STAU2: variants seen among roughly 807,000 people sequenced by gnomAD.
STAU2 encodes the protein staufen double-stranded RNA binding protein 2, also known as double-stranded RNA-binding protein Staufen homolog 2.
Under a neutral mutation model 65.9 loss-of-function variants are expected in STAU2, and 20 were observed. The observed-to-expected ratio is 0.30, with a 90% CI of 0.21 to 0.44. STAU2 has a LOEUF of 0.44. Ranked by LOEUF, STAU2 falls within the 20% of genes least tolerant of loss-of-function variation. The pLI, the probability that STAU2 is intolerant of heterozygous loss-of-function variation, is 1.00. For synonymous variants in STAU2, 232 were observed against 233.9 expected, an observed-to-expected ratio of 0.99 and a Z score of 0.07; for missense variants, 558 against 683.9, an observed-to-expected ratio of 0.82 and a Z score of 2.05.
intron 11 of STAU2, among the ~76,000 whole-genome samples, chr8:73,588,955 C>T: frequency 6.6e-6 from 1 of 152,004 alleles, no homozygotes; most frequent in East Asian, 1.9e-4. Flanking sequence ...TGACACCCAC[C>T]ACAATCCCAG....
At chr8:73,612,456 C>T (rs1812545937) in intron 9 of STAU2, among the ~76,000 whole-genome samples, 1 of 152,202 alleles carries the variant, frequency 6.6e-6, no homozygotes, top group Non-Finnish European at 1.5e-5. Flanking sequence ...CTATATTCTA[C>T]TCCTGACTGT....
chr8:73,590,311 A>C (rs1810680802), intron 11 of STAU2, among the ~76,000 whole-genome samples: 1 of 151,874 alleles, frequency 6.6e-6, no homozygotes, highest in African/African-American at 2.4e-5. Context: ...TTGGAAAATA[A>C]AGAAAAGAAA....
intron 2 of STAU2, 88 bp downstream of exon 2, chr8:73,739,668 C>G: frequency 9.5e-7 from 1 of 1,048,816 alleles, no homozygotes; most frequent in Non-Finnish European, 1.2e-6. Context: ...ATTACTGTCA[C>G]ATTTCCTATG....
chr8:73,676,251 T>C (rs1818019220), intron 5 of STAU2, among the ~76,000 whole-genome samples: 2 of 152,168 alleles, frequency 1.3e-5, no homozygotes, highest in African/African-American at 4.8e-5. Context: ...TACTTCTCAA[T>C]ACTGAGTTAC....
At chr8:73,693,996 T>C (rs1161622296) in intron 4 of STAU2, among the ~76,000 whole-genome samples, 1 of 152,200 alleles carries the variant, frequency 6.6e-6, no homozygotes, top group Non-Finnish European at 1.5e-5. Flanking sequence ...CATATAGTTT[T>C]AAAGTAATGA....
At chr8:73,705,790 G>C (rs1051227256) in intron 4 of STAU2, among the ~76,000 whole-genome samples, 4 of 152,166 alleles carry the variant, frequency 2.6e-5, no homozygotes, top group Non-Finnish European at 5.9e-5. Flanking sequence ...CATGGGGGAA[G>C]GAGGAAATCA....
chr8:73,518,318 A>G (rs1822852594), intron 13 of STAU2, among the ~76,000 whole-genome samples: 1 of 152,240 alleles, frequency 6.6e-6, no homozygotes, highest in Admixed American at 6.5e-5. Context: ...TTAAGGCAAT[A>G]TTTGATACAA....
At chr8:73,479,361 T>G (rs1278972307) in intron 13 of STAU2, among the ~76,000 whole-genome samples, 2 of 152,120 alleles carry the variant, frequency 1.3e-5, no homozygotes, top group Non-Finnish European at 2.9e-5. Context: ...AAAGTTAAAC[T>G]GAGGACCAGA....
intron 13 of STAU2, among the ~76,000 whole-genome samples, chr8:73,528,646 A>G (rs1417874537): frequency 6.6e-6 from 1 of 152,212 alleles, no homozygotes; most frequent in Admixed American, 6.5e-5. Context: ...ATTATATTAG[A>G]GAGAAAATTG....
chr8:73,680,758 CATAA>C (rs902075059), intron 5 of STAU2, among the ~76,000 whole-genome samples: 9 of 151,562 alleles, frequency 5.9e-5, no homozygotes, highest in Non-Finnish European at 1.3e-4. Flanking sequence ...GAAATAGAAT[CATAA>C]ATAAAAAAGA....
intron 10 of STAU2, among the ~76,000 whole-genome samples, chr8:73,597,728 A>G (rs1281441744): frequency 3.3e-5 from 5 of 151,466 alleles, no homozygotes; most frequent in Non-Finnish European, 7.4e-5. Flanking sequence ...CTAAAATTTA[A>G]AAACATATTT....
chr8:73,671,455 A>T (rs1446129731), intron 6 of STAU2, among the ~76,000 whole-genome samples: 3 of 152,142 alleles, frequency 2.0e-5, no homozygotes, highest in African/African-American at 7.2e-5. Context: ...AAACCTTTTT[A>T]ACTCAGTGTT....
chr8:73,486,564 A>T (rs1434754281), intron 13 of STAU2, among the ~76,000 whole-genome samples: 1 of 150,354 alleles, frequency 6.7e-6, no homozygotes, highest in Non-Finnish European at 1.5e-5. Context: ...ATCAAACATG[A>T]CCGCTAATTT....
At chr8:73,537,210 G>A (rs1806236950) in intron 13 of STAU2, among the ~76,000 whole-genome samples, 1 of 151,942 alleles carries the variant, frequency 6.6e-6, no homozygotes, top group South Asian at 2.1e-4. Context: ...AAAAGACTGA[G>A]AAAAAAACAA....
At chr8:73,743,601 G>C (rs1179527641) in intron 1 of STAU2, among the ~76,000 whole-genome samples, 1 of 150,898 alleles carries the variant, frequency 6.6e-6, no homozygotes, top group East Asian at 1.9e-4. Flanking sequence ...AGCCTCCTGA[G>C]TAGCTGCGAT....
chr8:73,469,286 C>T (rs183656350), intron 13 of STAU2, among the ~76,000 whole-genome samples: 3,039 of 152,026 alleles, frequency 0.02, 43 homozygotes, highest in South Asian at 0.051. Context: ...AGGGGAACAT[C>T]ACACACCAGG....
intron 4 of STAU2, among the ~76,000 whole-genome samples, chr8:73,707,440 C>A (rs1386908540): frequency 6.6e-6 from 1 of 152,016 alleles, no homozygotes; most frequent in Non-Finnish European, 1.5e-5. Flanking sequence ...AACAAGATCA[C>A]CGGAGATGTT....
At chr8:73,455,542 C>A (rs140883946) in intron 13 of STAU2, among the ~76,000 whole-genome samples, 6 of 152,262 alleles carry the variant, frequency 3.9e-5, no homozygotes, top group African/African-American at 1.4e-4. Context: ...CAGTCCAGAG[C>A]AGCCCAAACC....
rs745306030 is a variant in STAU2, at chr8:73,688,618, T to C, written c.274+36A>G. ...AAACATACAACAAGCAGAACACACA[T>C]AGCAGACAACATAACAGAAGGAGTC... On this transcript the variant is annotated intron_variant, in intron 5 of 14. Transcript: ENST00000524300. 28 of 1,611,590 alleles carry C rather than the reference T, an allele frequency of 1.7e-5. 1 individual carries two copies. In the South Asian group the frequency reaches 2.9e-4, roughly 16 times the overall value.
Sources: allele counts gnomAD v4.1 joint callset (sites outside exome capture counted in the v4.1 genomes callset), GRCh38; gene constraint gnomAD v4.1.1; transcripts MANE v1.5; gene names NCBI Gene and HGNC (gene_info 2026-07-23, HGNC 2026-07-21).